HP1BP3: variants seen among roughly 807,000 people sequenced by gnomAD.
HP1BP3 encodes the protein heterochromatin protein 1 binding protein 3.
In HP1BP3, 12 loss-of-function variants were observed where a neutral mutation model predicts 62.5. The observed-to-expected ratio is 0.19, with a 90% CI of 0.12 to 0.31. The LOEUF (loss-of-function observed/expected upper bound fraction) is 0.31. HP1BP3 is among the 10% of genes least tolerant of loss of function. The pLI is 1.00. For missense variants in HP1BP3, 502 were observed against 651.8 expected (o/e 0.77, Z 2.50); for synonymous variants, 260 against 237.8 (o/e 1.09, Z -0.86).
rs181386853 is a variant in HP1BP3 at position 20,767,011 on chromosome 1, A to G, written c.735+573T>C. 1.4e-3 allele frequency among the ~76,000 whole-genome samples: 208 copies of G among 151,936 alleles called. 1 individual carries two copies. The highest frequency in any genetic ancestry group is 4.7e-3 in the African/African-American group (195 of 41,474). The stretch of plus-strand genomic sequence containing the variant: ...TCTTATACCTCCTCTAGTTTAAAAG[A>G]TATTTCACAAAAAGCAGTATAATTC... On this transcript the variant is annotated intron_variant, in intron 7 of 12. Coordinates refer to ENST00000438032, the MANE Select transcript of HP1BP3 (RefSeq NM_001372052.1).
chr1:20,763,849 T>C (rs1326541605), intron 8 of HP1BP3, among the ~76,000 whole-genome samples: 1 of 152,236 alleles, frequency 6.6e-6, no homozygotes, highest in Non-Finnish European at 1.5e-5. Context: ...GAAGCCTGAA[T>C]TCTCATGAAA....
intron 9 of HP1BP3, among the ~76,000 whole-genome samples, chr1:20,755,558 G>A (rs975970180): frequency 6.6e-6 from 1 of 152,102 alleles, no homozygotes. Flanking sequence ...CTGGGTGACA[G>A]AGTGAGACCC....
Position 20,750,552 on chromosome 1 carries a change from T to A in HP1BP3, c.982-670A>T, listed in dbSNP as rs574388192. ...AAAAAATAAATAAATAAAATAAATT[T>A]AAAAAAAAAAAGATTATTTTATTTG... On this transcript the variant is annotated intron_variant, in intron 9 of 12. Coordinates refer to ENST00000438032, the MANE Select transcript of HP1BP3 (RefSeq NM_001372052.1). Among the ~76,000 whole-genome samples, 924 of 144,400 alleles carry A rather than the reference T, an allele frequency of 6.4e-3. 7 individuals carry two copies. Among genetic ancestry groups the A allele is most frequent in the African/African-American group, 0.019 (762 of 39,458 alleles). 94.7% of individuals were successfully genotyped at this position (144,400 alleles called of 152,430 possible). A position where few individuals can be genotyped will look rare whatever the true frequency, so the allele number is the denominator to read the frequency against.
intron 9 of HP1BP3, among the ~76,000 whole-genome samples, chr1:20,750,984 A>G (rs933710486): frequency 1.3e-5 from 2 of 151,262 alleles, no homozygotes; most frequent in Admixed American, 6.6e-5. Context: ...GGTCTCGCTA[A>G]TTTTTTATTT....
chr1:20,780,934 A>G (rs929343953), intron 1 of HP1BP3, among the ~76,000 whole-genome samples: 3 of 152,196 alleles, frequency 2.0e-5, no homozygotes, highest in African/African-American at 4.8e-5. Flanking sequence ...AGTCAGGAAA[A>G]TTAACTGTAA....
At chr1:20,752,672 G>A (rs1471182505) in intron 9 of HP1BP3, among the ~76,000 whole-genome samples, 1 of 152,164 alleles carries the variant, frequency 6.6e-6, no homozygotes, top group African/African-American at 2.4e-5. Flanking sequence ...GATAAAGGCA[G>A]AGACACAAAA....
intron 12 of HP1BP3, 114 bp downstream of exon 12, chr1:20,745,429 A>G (rs889539793): frequency 7.8e-5 from 100 of 1,278,604 alleles, no homozygotes; most frequent in East Asian, 2.5e-5. Context: ...AAAGAACTTG[A>G]GAAGGATCCT....
At chr1:20,750,378 C>CACAA (rs2055654619) in intron 9 of HP1BP3, 1 of 94,504 alleles carries the variant, frequency 1.1e-5, no homozygotes, top group South Asian at 3.3e-4. Flanking sequence ...CACACACACA[C>CACAA]AAAATAGCCA....
chr1:20,765,491 A>G lies in HP1BP3; in HGVS notation c.776T>C (p.Leu259Ser). 1 of 1,613,638 alleles carries G rather than the reference A, an allele frequency of 6.2e-7. No homozygotes were observed. Among genetic ancestry groups the G allele is most frequent in the Non-Finnish European group, 8.5e-7 (1 of 1,179,644 alleles). The part of the protein sequence containing the change: ...SAVDPEPQVK[L>S]EDVLPLAFTR... ...AAAGGCCAGTGGGAGGACATCCTCC[A>G]ATTTTACTTGTGGTTCTGGATCCAC... The change falls in exon 8 of 13, where the codon TTG becomes TCG. Residue 259 changes from leucine (L) to serine (S), a missense_variant. Coordinates refer to ENST00000438032, the MANE Select transcript of HP1BP3 (RefSeq NM_001372052.1).
intron 4 of HP1BP3, chr1:20,776,176 A>G: frequency 5.2e-6 from 3 of 572,400 alleles, no homozygotes; most frequent in Non-Finnish European, 5.7e-6. Context: ...GGCTTGATAC[A>G]AATCAATGCC....
At position 20,773,493 on chromosome 1, in the gene HP1BP3, G is replaced by C. The variant is rs781335499; in HGVS notation, c.468C>G (p.Ser156=). ...RAQKQTPMAS[S]PRPKMDAILT... The stretch of plus-strand genomic sequence containing the variant: ...AGATTGCATCCATCTTGGGACGTGG[G>C]GAAGAAGCCATCGGTGTTTGTTTCT... Residue 156 remains serine (S), a synonymous_variant, in exon 5 of 13, where the codon TCC becomes TCG. Transcript: ENST00000438032. 1.9e-5 allele frequency: 30 copies of C among 1,613,116 alleles called. No homozygotes were observed. The highest frequency in any genetic ancestry group is 2.5e-5 in the Non-Finnish European group (30 of 1,179,526).
chr1:20,756,404 TA>T (rs898036056), intron 9 of HP1BP3, among the ~76,000 whole-genome samples: 197 of 146,212 alleles, frequency 1.3e-3, no homozygotes, highest in African/African-American at 3.0e-3. Context: ...GACTTCTCAT[TA>T]AAAAAAAAAA....
intron 9 of HP1BP3, among the ~76,000 whole-genome samples, chr1:20,753,342 C>G (rs1041107310): frequency 6.6e-6 from 1 of 152,104 alleles, no homozygotes; most frequent in African/African-American, 2.4e-5. Flanking sequence ...CTAAAAGAGC[C>G]TGTCATGTAA....
chr1:20,763,604 T>C (rs944457764), intron 8 of HP1BP3, among the ~76,000 whole-genome samples: 1 of 152,202 alleles, frequency 6.6e-6, no homozygotes, highest in African/African-American at 2.4e-5. Context: ...GGATTAAACA[T>C]AATTTTCTAG....
At position 20,741,235 on chromosome 1, in the gene HP1BP3, A is replaced by C. The variant is rs1238998482; in HGVS notation, c.*3562T>G. ...ATCCCAAATTTTTAAAGTTTCTCTTAGTTAAATGCAGTATTTAATGAACAT... is the reference window on the plus strand; with the variant it reads ...ATCCCAAATTTTTAAAGTTTCTCTTCGTTAAATGCAGTATTTAATGAACAT... On this transcript the variant is annotated 3_prime_UTR_variant, in exon 13 of 13. Coordinates refer to ENST00000438032, the MANE Select transcript of HP1BP3 (RefSeq NM_001372052.1). 6.6e-6 allele frequency among the ~76,000 whole-genome samples: 1 copy of C among 152,240 alleles called. No individual in the cohort carries two copies. Among genetic ancestry groups the C allele is most frequent in the Non-Finnish European group, 1.5e-5 (1 of 68,040 alleles).
chr1:20,745,187 AGTG>A, intron 12 of HP1BP3, 96 bp from the exon 13 acceptor site: 1 of 1,360,928 alleles, frequency 7.3e-7, no homozygotes, highest in Non-Finnish European at 1.0e-6. Context: ...CGGCATATGA[AGTG>A]GTCACTTACG....
chr1:20,784,539 C>T lies in HP1BP3; in HGVS notation c.-101+2656G>A, dbSNP rs573310311. On this transcript the variant is annotated intron_variant, in intron 1 of 12. Coordinates refer to ENST00000438032, the MANE Select transcript of HP1BP3 (RefSeq NM_001372052.1). ...TGTCGCCCAGGCTGGAGTGCGGTGG[C>T]GCGATCTCGGCTCACTGCAACCTCC... is the stretch of plus-strand genomic sequence containing the variant. 5.8e-5 allele frequency among the ~76,000 whole-genome samples: 8 copies of T among 137,798 alleles called. 1 individual carries two copies. The highest frequency in any genetic ancestry group is 4.6e-4 in the South Asian group (2 of 4,340). 90.4% of individuals were successfully genotyped at this position (137,798 alleles called of 152,430 possible). A position where few individuals can be genotyped will look rare whatever the true frequency, so the allele number is the denominator to read the frequency against.
chr1:20,769,370 C>A lies in HP1BP3; in HGVS notation c.654+1560G>T, dbSNP rs139945984. On this transcript the variant is annotated intron_variant, in intron 6 of 12. Transcript: ENST00000438032. Reference sequence around the variant, plus strand: ...CCCAGGAGCTTGAGACCAGCCTGGGCAACATGGCAAAACCTTGTCTCTACA... The same window carrying A: ...CCCAGGAGCTTGAGACCAGCCTGGGAAACATGGCAAAACCTTGTCTCTACA... Among the ~76,000 whole-genome samples, 775 of 152,176 alleles carry A rather than the reference C, an allele frequency of 5.1e-3. 7 individuals carry two copies. The highest frequency in any genetic ancestry group is 0.018 in the African/African-American group (743 of 41,516).
In HP1BP3 at chr1:20,765,510, G is replaced by C; in HGVS notation, c.757C>G (p.Pro253Ala). Reference protein sequence around the residue: ...NRKNRSSAVDPEPQVKLEDVL... With the variant: ...NRKNRSSAVDAEPQVKLEDVL... ...TCCTCCAATTTTACTTGTGGTTCTGGATCCACTGCAGAGCTCCTATTCTGA... is the reference window on the plus strand; with the variant it reads ...TCCTCCAATTTTACTTGTGGTTCTGCATCCACTGCAGAGCTCCTATTCTGA... The change falls in exon 8 of 13, where the codon CCA (proline) becomes GCA (alanine). Residue 253 changes from proline to alanine, a missense_variant. Pro to Ala is a conservative substitution (Grantham distance 27). This residue lies in a region of HP1BP3 where 111 missense variants were observed against 242.0 expected (regional missense o/e 0.46). Coordinates refer to ENST00000438032, the MANE Select transcript of HP1BP3 (RefSeq NM_001372052.1). 6.2e-7 allele frequency: 1 copy of C among 1,613,224 alleles called. No individual in the cohort carries two copies. The highest frequency in any genetic ancestry group is 8.5e-7 in the Non-Finnish European group (1 of 1,179,448).
Sources: allele counts gnomAD v4.1 joint callset (sites outside exome capture counted in the v4.1 genomes callset), GRCh38; gene constraint gnomAD v4.1.1; regional missense constraint gnomAD v4.1.1; transcripts MANE v1.5; gene names NCBI Gene and HGNC (gene_info 2026-07-23, HGNC 2026-07-21).